The following TRIM36 variants were observed in gnomAD, a reference collection of about 807,000 sequenced individuals.
TRIM36 encodes tripartite motif containing 36.
Under a neutral mutation model 72.4 loss-of-function variants are expected in TRIM36, and 42 were observed. The ratio of observed to expected loss-of-function variants is 0.58; its 90% CI spans 0.45 to 0.75. The LOEUF is 0.75. Among genes scored for constraint, TRIM36 ranks in the 30% least tolerant of loss-of-function variants. The pLI is 0.00. For missense variants in TRIM36, 913 were observed against 857.1 expected (o/e 1.07, Z -0.81); for synonymous variants, 315 against 282.8 (o/e 1.11, Z -1.14).
Position 115,141,331 on chromosome 5 carries a change from C to T in TRIM36, c.779G>A (p.Ser260Asn). 7 of 1,606,060 alleles carry T rather than the reference C, an allele frequency of 4.4e-6. No individual in the cohort carries two copies. The highest frequency in any genetic ancestry group is 5.9e-6 in the Non-Finnish European group (7 of 1,177,854). ...TTCAGATATTTGACTCTTCACCTGG[C>T]TTTCCTTACCAATAAGGTAATCAAT... The part of the protein sequence containing the change: ...KDIDYLIGKE[S>N]QVKSQISELN... Residue 260 changes from serine (S) to asparagine (N), a missense_variant, in exon 5 of 10, where the codon AGC becomes AAC. Coordinates refer to ENST00000513154, the MANE Select transcript of TRIM36 (RefSeq NM_001300759.2).
At chr5:115,160,663 C>T (rs12659682) in intron 2 of TRIM36, among the ~76,000 whole-genome samples, 41,675 of 152,042 alleles carry the variant, frequency 0.27, 5,837 homozygotes, top group Middle Eastern at 0.31. Flanking sequence ...CAAAGTGAGA[C>T]CTTCTTCTCC....
chr5:115,129,125 C>T (rs909300024), intron 9 of TRIM36, among the ~76,000 whole-genome samples: 11 of 152,214 alleles, frequency 7.2e-5, no homozygotes, highest in Admixed American at 5.9e-4. Context: ...GGACCAAAGA[C>T]TGTTCCACAT....
intron 9 of TRIM36, among the ~76,000 whole-genome samples, chr5:115,128,882 T>C (rs530364395): frequency 4.8e-4 from 73 of 152,110 alleles, no homozygotes; most frequent in African/African-American, 1.6e-3. Context: ...TTGTAAAGTT[T>C]ACAGTAGTGT....
At chr5:115,169,551 G>A (rs757516282) in intron 1 of TRIM36, 57 bp downstream of exon 1, 78 of 1,483,828 alleles carry the variant, frequency 5.3e-5, no homozygotes, top group Non-Finnish European at 6.4e-5. Context: ...GAAAGAGAAA[G>A]AGCCGCGGTC....
chr5:115,153,447 T>A (rs1394376329), intron 2 of TRIM36, among the ~76,000 whole-genome samples: 1 of 152,078 alleles, frequency 6.6e-6, no homozygotes, highest in Non-Finnish European at 1.5e-5. Flanking sequence ...CTGGGAGGTA[T>A]CAATACACCA....
intron 7 of TRIM36, among the ~76,000 whole-genome samples, chr5:115,135,814 A>T (rs1752934908): frequency 6.6e-6 from 1 of 152,230 alleles, no homozygotes; most frequent in South Asian, 2.1e-4. Flanking sequence ...ATAGTAAGTA[A>T]GTATCAGATT....
intron 5 of TRIM36, among the ~76,000 whole-genome samples, chr5:115,138,687 C>G (rs1014837252): frequency 1.3e-5 from 2 of 152,022 alleles, no homozygotes; most frequent in Non-Finnish European, 2.9e-5. Flanking sequence ...ATAAAATGAC[C>G]CTAGTGTTTG....
At chr5:115,169,954 G>A (rs1212738123), upstream of TRIM36, 11 of 1,219,034 alleles carry the variant, frequency 9.0e-6, no homozygotes, top group Non-Finnish European at 1.0e-5. Context: ...GCACCGCGGG[G>A]CGTGGACAGG....
At chr5:115,127,892 G>T (rs113965514) in intron 9 of TRIM36, among the ~76,000 whole-genome samples, 1 of 152,088 alleles carries the variant, frequency 6.6e-6, no homozygotes, top group Non-Finnish European at 1.5e-5. Context: ...CCTAGGAAAT[G>T]ACAGCTCCAT....
chr5:115,156,654 A>G (rs1754193951), intron 2 of TRIM36, among the ~76,000 whole-genome samples: 1 of 152,238 alleles, frequency 6.6e-6, no homozygotes, highest in Admixed American at 6.5e-5. Context: ...CTCACCTTAT[A>G]CAAAAATCAA....
rs562912618 is a variant in TRIM36, at chr5:115,169,411, G to A, written c.27+197C>T. ...CCAGGGGACCCCACGTCCGGCTCTCGGGGATAGAAAGGGGACGCCCCGGAT... is the reference window on the plus strand; with the variant it reads ...CCAGGGGACCCCACGTCCGGCTCTCAGGGATAGAAAGGGGACGCCCCGGAT... On this transcript the variant is annotated intron_variant, in intron 1 of 9. Transcript: ENST00000513154. Among the ~76,000 whole-genome samples the A allele has an allele frequency of 8.7e-4, 133 of 152,338 alleles. 1 individual carries two copies. The highest frequency in any genetic ancestry group is 1.9e-3 in the East Asian group (10 of 5,180).
At chr5:115,164,350 A>G (rs761157808) in intron 1 of TRIM36, among the ~76,000 whole-genome samples, 1 of 152,196 alleles carries the variant, frequency 6.6e-6, no homozygotes, top group Non-Finnish European at 1.5e-5. Context: ...GCACTTTATG[A>G]GTATGTATTA....
upstream of TRIM36, among the ~76,000 whole-genome samples, chr5:115,172,722 C>T (rs1209527686): frequency 2.0e-5 from 3 of 150,256 alleles, no homozygotes; most frequent in East Asian, 2.0e-4. Context: ...GGCGACAGAG[C>T]GAGACTCTGT....
At position 115,141,184 on chromosome 5, in the gene TRIM36, G is replaced by C. The variant is rs889048727; in HGVS notation, c.831+95C>G. The C allele has an allele frequency of 8.1e-6, 7 of 869,502 alleles. No homozygotes were observed. In the East Asian group the frequency reaches 2.0e-4, roughly 25 times the overall value. The allele number at this position is 869,502 out of a possible 1,614,324, so 53.9% of individuals were successfully genotyped here. On this transcript the variant is annotated intron_variant, in intron 5 of 9. Coordinates refer to ENST00000513154, the MANE Select transcript of TRIM36 (RefSeq NM_001300759.2). ...AATCTAACACAACTTTGTATTCCCAGCTCATATAATACTCTCAGGATTTTA... is the reference window on the plus strand; with the variant it reads ...AATCTAACACAACTTTGTATTCCCACCTCATATAATACTCTCAGGATTTTA...
rs1753035033 is a variant in TRIM36, at chr5:115,137,655, CAA to C, written c.832-41_832-40del. 5.3e-6 allele frequency: 8 copies of C among 1,521,102 alleles called. No individual in the cohort carries two copies. In the South Asian group the frequency reaches 1.1e-4, roughly 20 times the overall value. 94.2% of individuals were successfully genotyped at this position (1,521,102 alleles called of 1,614,324 possible). A position where few individuals can be genotyped will look rare whatever the true frequency, so the allele number is the denominator to read the frequency against. On this transcript the variant is annotated intron_variant, in intron 5 of 9. Transcript: ENST00000513154. Reference sequence around the variant, plus strand: ...GTATCTCCATTACACTAAGATAAAACAAAGAATAGCCTCTTCTGCTAAACCCA... The same window carrying C: ...GTATCTCCATTACACTAAGATAAAACAGAATAGCCTCTTCTGCTAAACCCA...
At chr5:115,159,008 A>T (rs1019387795) in intron 2 of TRIM36, among the ~76,000 whole-genome samples, 1 of 152,218 alleles carries the variant, frequency 6.6e-6, no homozygotes, top group Non-Finnish European at 1.5e-5. Context: ...AAAGCAGTCA[A>T]TGTTATTTTT....
In TRIM36 at chr5:115,126,592, A is replaced by G; in HGVS notation, c.2062T>C (p.Tyr688His). Residue 688 changes from tyrosine (Y) to histidine (H), a missense_variant, in exon 10 of 10, where the codon TAT becomes CAT. Transcript: ENST00000513154. ...ERQVDCSHTL[Y>H]PAFALMGSGG... ...CTGCCCATTAATGCAAATGCTGGAT[A>G]CAGTGTATGTGAACAGTCCACTTGG... The G allele has an allele frequency of 6.2e-7, 1 of 1,614,186 alleles. No homozygotes were observed. Among genetic ancestry groups the G allele is most frequent in the East Asian group, 2.2e-5 (1 of 44,876 alleles).
In TRIM36 at chr5:115,148,482, G is replaced by T. The variant is rs575997081; in HGVS notation, c.263-1088C>A. On this transcript the variant is annotated intron_variant, in intron 2 of 9. Transcript: ENST00000513154. ...TCACCTAGGCTGGAGTGTGATCTCG[G>T]CTCACTGCAACCTCTGCCTCCCAGG... 6.5e-6 allele frequency: 3 copies of T among 463,220 alleles called. No individual in the cohort carries two copies. The East Asian group carries it at 5.2e-4, about 80-fold the overall frequency. The allele number at this position is 463,220 out of a possible 1,614,324, so 28.7% of individuals were successfully genotyped here.
At chr5:115,159,839 G>A (rs986041302) in intron 2 of TRIM36, among the ~76,000 whole-genome samples, 1 of 152,144 alleles carries the variant, frequency 6.6e-6, no homozygotes, top group Non-Finnish European at 1.5e-5. Context: ...GAAGCCAGGA[G>A]CATAAAACAT....
Sources: allele counts gnomAD v4.1 joint callset (sites outside exome capture counted in the v4.1 genomes callset), GRCh38; gene constraint gnomAD v4.1.1; transcripts MANE v1.5; gene names NCBI Gene and HGNC (gene_info 2026-07-23, HGNC 2026-07-21).